MAF: variants seen among roughly 807,000 people sequenced by gnomAD.
MAF encodes the protein transcription factor Maf.
MAF carries 10 observed loss-of-function variants against 22.0 expected under a neutral mutation model. That is an observed-to-expected ratio of 0.45 (90% CI 0.28 to 0.77). MAF has a LOEUF of 0.77. Ranked by LOEUF, MAF falls within the 30% of genes least tolerant of loss-of-function variation. MAF has a pLI of 0.12. For missense variants in MAF, 544 were observed against 548.4 expected, an observed-to-expected ratio of 0.99 and a Z score of 0.08; for synonymous variants, 337 against 255.8, an observed-to-expected ratio of 1.32 and a Z score of -3.03.
chr16:79,596,337 A>G (rs1334919107), intron 1 of MAF: 21 of 1,059,772 alleles, frequency 2.0e-5, no homozygotes, highest in Non-Finnish European at 2.4e-5. Context: ...CCTCACTTCA[A>G]AAAACAGCCT....
chr16:79,500,771 C>A, the MAF span, among the ~76,000 whole-genome samples: 56 of 152,136 alleles, frequency 3.7e-4, no homozygotes, highest in Non-Finnish European at 6.5e-4. Context: ...GAGATGCAGA[C>A]TGACTTCCTG....
chr16:79,422,556 G>C, the MAF span, among the ~76,000 whole-genome samples: 1 of 152,118 alleles, frequency 6.6e-6, no homozygotes, highest in Non-Finnish European at 1.5e-5. Flanking sequence ...GAGACAGCTT[G>C]CTCCATGCAC....
downstream of MAF, among the ~76,000 whole-genome samples, chr16:79,582,866 AT>A (rs1912607591): frequency 6.6e-6 from 1 of 152,148 alleles, no homozygotes; most frequent in African/African-American, 2.4e-5. Context: ...TTAAAACCGA[AT>A]ATTTAGAAGC....
At chr16:79,390,080 T>C in the MAF span, among the ~76,000 whole-genome samples, 1 of 150,054 alleles carries the variant, frequency 6.7e-6, no homozygotes, top group Non-Finnish European at 1.5e-5. Flanking sequence ...TGAGCATCTG[T>C]GTGTGTGTGT....
At chr16:79,207,499 C>T in the MAF span, among the ~76,000 whole-genome samples, 5 of 152,182 alleles carry the variant, frequency 3.3e-5, no homozygotes, top group African/African-American at 9.6e-5. Flanking sequence ...CTACTTTTTG[C>T]ATAAGTGGAT....
chr16:79,510,193 G>C, the MAF span, among the ~76,000 whole-genome samples: 7 of 152,174 alleles, frequency 4.6e-5, no homozygotes, highest in African/African-American at 1.4e-4. Context: ...GGCAAATATA[G>C]TGCTTAGAAG....
At chr16:79,583,867 T>G (rs780750172), downstream of MAF, among the ~76,000 whole-genome samples, 22 of 152,202 alleles carry the variant, frequency 1.4e-4, no homozygotes, top group Non-Finnish European at 2.5e-4. Flanking sequence ...ACAAGGAGTG[T>G]GCAGTTGTTG....
chr16:79,532,159 C>T, the MAF span, among the ~76,000 whole-genome samples: 98 of 152,246 alleles, frequency 6.4e-4, no homozygotes, highest in Admixed American at 1.3e-3. Flanking sequence ...ACTTTATTTG[C>T]TAAGTCTGGC....
the MAF span, among the ~76,000 whole-genome samples, chr16:79,387,674 G>T: frequency 2.6e-5 from 4 of 152,128 alleles, no homozygotes; most frequent in African/African-American, 9.7e-5. Context: ...AGGGCAGCAT[G>T]TTCAAACAGT....
the MAF span, among the ~76,000 whole-genome samples, chr16:79,247,697 CT>C: frequency 6.6e-6 from 1 of 152,160 alleles, no homozygotes; most frequent in African/African-American, 2.4e-5. Context: ...ACAAAGGCAT[CT>C]TCCTGGAAGC....
At chr16:79,274,169 G>A in the MAF span, among the ~76,000 whole-genome samples, 3 of 151,730 alleles carry the variant, frequency 2.0e-5, no homozygotes, top group East Asian at 5.8e-4. Context: ...TGGCCAGGCT[G>A]GTCTCAAACC....
At chr16:79,497,288 T>C in the MAF span, among the ~76,000 whole-genome samples, 1 of 152,208 alleles carries the variant, frequency 6.6e-6, no homozygotes, top group Admixed American at 6.5e-5. Flanking sequence ...TTCACTGCTA[T>C]AGACAGGTAC....
chr16:79,596,166 G>T, intron 1 of MAF: 2 of 1,062,718 alleles, frequency 1.9e-6, no homozygotes, highest in South Asian at 9.1e-5. Context: ...GAAGTGTAGG[G>T]CCATGCTCAG....
the MAF span, among the ~76,000 whole-genome samples, chr16:79,460,672 G>A: frequency 6.6e-6 from 1 of 152,038 alleles, no homozygotes; most frequent in East Asian, 1.9e-4. Context: ...AAGTTCCTTG[G>A]AATCTACAGT....
chr16:79,232,581 A>G, the MAF span, among the ~76,000 whole-genome samples: 3 of 152,052 alleles, frequency 2.0e-5, no homozygotes, highest in Non-Finnish European at 4.4e-5. Flanking sequence ...AGGACATTTC[A>G]GGCTTAAGCC....
At chr16:79,574,086 C>T in the MAF span, among the ~76,000 whole-genome samples, 5 of 152,330 alleles carry the variant, frequency 3.3e-5, no homozygotes, top group East Asian at 3.9e-4. Context: ...GTGAACTTCA[C>T]GCTCACAGAG....
At chr16:79,338,661 A>C in the MAF span, among the ~76,000 whole-genome samples, 1 of 152,168 alleles carries the variant, frequency 6.6e-6, no homozygotes, top group African/African-American at 2.4e-5. Context: ...AAAAAATGGG[A>C]GAGAGATGGA....
the MAF span, among the ~76,000 whole-genome samples, chr16:79,316,629 T>A: frequency 6.6e-6 from 1 of 152,140 alleles, no homozygotes; most frequent in Non-Finnish European, 1.5e-5. Context: ...CAGCTTTCCA[T>A]CTCTTCCAGC....
the MAF span, among the ~76,000 whole-genome samples, chr16:79,491,292 A>G: frequency 1.2e-3 from 186 of 152,274 alleles, 1 homozygote; most frequent in Middle Eastern, 3.4e-3. Context: ...GAACCGAGAG[A>G]TTGGGAGGTA....
Sources: gnomAD v4.1 joint callset for allele counts (sites outside exome capture counted in the v4.1 genomes callset) on GRCh38, gnomAD v4.1.1 for gene constraint, MANE v1.5 for transcripts, NCBI Gene and HGNC (gene_info 2026-07-23, HGNC 2026-07-21) for gene names.